The following DIP2C variants were observed in gnomAD, a reference collection of about 807,000 sequenced individuals.
The protein encoded by DIP2C is DIP2 acetate--CoA ligase C (putative), also known as disco-interacting protein 2 homolog C.
DIP2C carries 33 observed loss-of-function variants against 192.4 expected under a neutral mutation model. That is an observed-to-expected ratio of 0.17 (90% CI 0.13 to 0.23). The LOEUF is 0.23. DIP2C is among the 10% of genes least tolerant of loss of function. DIP2C has a pLI of 1.00. For synonymous variants in DIP2C, 979 were observed against 864.1 expected (o/e 1.13, Z -2.33); for missense variants, 1,537 against 2,110.1 (o/e 0.73, Z 5.32).
intron 31 of DIP2C, among the ~76,000 whole-genome samples, chr10:315,846 G>A (rs1178641333): frequency 6.6e-6 from 1 of 152,050 alleles, no homozygotes; most frequent in Non-Finnish European, 1.5e-5. Flanking sequence ...CTGTTCCACT[G>A]TATTTTCATG....
intron 4 of DIP2C, among the ~76,000 whole-genome samples, chr10:433,960 A>G (rs1034257073): frequency 1.3e-5 from 2 of 150,696 alleles, no homozygotes; most frequent in Admixed American, 6.6e-5. Flanking sequence ...CTTTCTTATC[A>G]TATCAGTTAC....
At chr10:562,558 G>A (rs1301404709) in intron 1 of DIP2C, among the ~76,000 whole-genome samples, 4 of 152,104 alleles carry the variant, frequency 2.6e-5, no homozygotes, top group South Asian at 2.1e-4. Flanking sequence ...ATATGCACAC[G>A]GATGGTCGTA....
intron 11 of DIP2C, 44 bp downstream of exon 11, chr10:390,696 C>A: frequency 6.3e-7 from 1 of 1,591,150 alleles, no homozygotes; most frequent in South Asian, 1.1e-5. Context: ...CGTCTTCTGA[C>A]AAAGGACGTG....
rs575384428 is a variant in DIP2C at position 339,899 on chromosome 10, T to C, written c.3584+1300A>G. Among the ~76,000 whole-genome samples the C allele has an allele frequency of 6.4e-4, 98 of 152,080 alleles. 2 individuals carry two copies. The Middle Eastern group carries it at 0.01, about 16-fold the overall frequency. The stretch of plus-strand genomic sequence containing the variant: ...ATTAAAAATATTTGTTCCAGAAGAG[T>C]GTTGACAGGAGAAAAAAATCTGACT... On this transcript the variant is annotated intron_variant, in intron 29 of 36. Transcript: ENST00000280886.
chr10:329,221 A>G (rs1957394790), intron 30 of DIP2C, among the ~76,000 whole-genome samples: 1 of 152,334 alleles, frequency 6.6e-6, no homozygotes, highest in South Asian at 2.1e-4. Context: ...AATATTTTAC[A>G]TTCTGGTTCG....
chr10:342,303 C>T (rs1031964268), intron 28 of DIP2C, among the ~76,000 whole-genome samples: 11 of 152,154 alleles, frequency 7.2e-5, no homozygotes, highest in Non-Finnish European at 1.6e-4. Flanking sequence ...GGGTTACAGG[C>T]GCCCGCCACC....
At chr10:405,495 C>G (rs1964737962) in intron 9 of DIP2C, among the ~76,000 whole-genome samples, 1 of 152,134 alleles carries the variant, frequency 6.6e-6, no homozygotes, top group South Asian at 2.1e-4. Flanking sequence ...AGCATCAAAA[C>G]TGAAAATTTT....
In DIP2C at chr10:387,804, T is replaced by C. The variant is rs576126175; in HGVS notation, c.1603A>G (p.Thr535Ala). 1.4e-5 allele frequency: 23 copies of C among 1,614,184 alleles called. No individual in the cohort carries two copies. The South Asian group carries it at 2.2e-4, about 15-fold the overall frequency. ...TTGAAATCCAGCACATTCACAATGG[T>C]TTCAGCTGCACAACAGAGGGAGTCA... The part of the protein sequence containing the change: ...TQACGYTEAE[T>A]IVNVLDFKKD... Residue 535 changes from threonine (T) to alanine (A), a missense_variant, in exon 14 of 37, where the codon ACC (threonine) becomes GCC (alanine). Around this residue, in one of 4 missense-constraint regions of DIP2C, gnomAD observed 677 missense variants for 989.9 expected, o/e 0.68. Transcript: ENST00000280886.
At chr10:314,262 G>A (rs74861047) in intron 31 of DIP2C, among the ~76,000 whole-genome samples, 1,688 of 152,288 alleles carry the variant, frequency 0.011, 35 homozygotes, top group African/African-American at 0.039. Context: ...AGCTAAATAT[G>A]ACAGGTCCCT....
At chr10:544,256 C>T (rs1848163145) in intron 1 of DIP2C, among the ~76,000 whole-genome samples, 1 of 152,198 alleles carries the variant, frequency 6.6e-6, no homozygotes, top group Admixed American at 6.5e-5. Context: ...ACATTCAAGG[C>T]TCATTGGAGC....
At position 357,876 on chromosome 10, in the gene DIP2C, G is replaced by A. The variant is rs1303275428; in HGVS notation, c.2856C>T (p.Ala952=). The A allele has an allele frequency of 1.2e-6, 2 of 1,612,632 alleles. No homozygotes were observed. Among genetic ancestry groups the A allele is most frequent in the Non-Finnish European group, 1.7e-6 (2 of 1,179,932 alleles). ...CGATCTGACCCAGGTCTCTGCCACT[G>A]GCCTGGGCGATTCTCTTCCCAGAGA... ...NLVSGKRIAQ[A]SGRDLGQIED... is the part of the protein sequence containing the mutation. The change falls in exon 23 of 37, where the codon GCC becomes GCT. Residue 952 remains alanine, a synonymous_variant. Transcript: ENST00000280886.
chr10:383,361 T>G (rs1438153640), intron 16 of DIP2C, among the ~76,000 whole-genome samples: 1 of 152,236 alleles, frequency 6.6e-6, no homozygotes, highest in Non-Finnish European at 1.5e-5. Flanking sequence ...ACGTTGCATG[T>G]TTCATAAATG....
intron 1 of DIP2C, among the ~76,000 whole-genome samples, chr10:533,913 T>TC (rs1847553850): frequency 6.6e-6 from 1 of 151,892 alleles, no homozygotes; most frequent in Non-Finnish European, 1.5e-5. Context: ...CAGGAAGCAT[T>TC]CTCTCCTGCA....
chr10:464,671 C>G (rs1045227770), intron 3 of DIP2C, among the ~76,000 whole-genome samples: 3 of 152,202 alleles, frequency 2.0e-5, no homozygotes, highest in African/African-American at 7.2e-5. Flanking sequence ...TATAAAGACA[C>G]ATACAAACGT....
At chr10:486,327 C>T (rs936751401) in intron 2 of DIP2C, 132 bp downstream of exon 2, 2 of 748,874 alleles carry the variant, frequency 2.7e-6, no homozygotes, top group Middle Eastern at 4.0e-4. Flanking sequence ...GAACTGAATG[C>T]CTGGAGGGTG....
intron 1 of DIP2C, among the ~76,000 whole-genome samples, chr10:658,318 A>C (rs1254271563): frequency 1.5e-4 from 17 of 111,462 alleles, no homozygotes; most frequent in South Asian, 3.2e-4. Context: ...GCTGGACCTG[A>C]TGCTGGACCT....
chr10:278,686 T>C (rs1455090822), intron 36 of DIP2C, among the ~76,000 whole-genome samples: 2 of 152,222 alleles, frequency 1.3e-5, no homozygotes, highest in African/African-American at 4.8e-5. Context: ...CACTCAGAAA[T>C]GTTTTATCTG....
In DIP2C at chr10:617,692, C is replaced by T. The variant is rs372651775; in HGVS notation, c.85+71802G>A. On this transcript the variant is annotated intron_variant, in intron 1 of 36. Coordinates refer to ENST00000280886, the MANE Select transcript of DIP2C (RefSeq NM_014974.3). ...CCACCCCTGCTTGGGGCGTCTTCCA[C>T]TTGCGGTTCCGAAGGAGGCTGAGAA... Among the ~76,000 whole-genome samples, 47 of 149,868 alleles carry T rather than the reference C, an allele frequency of 3.1e-4. 1 individual carries two copies. The highest frequency in any genetic ancestry group is 3.1e-3 in the Admixed American group (47 of 15,060).
intron 1 of DIP2C, among the ~76,000 whole-genome samples, chr10:601,164 A>G (rs1373029474): frequency 6.6e-6 from 1 of 152,172 alleles, no homozygotes; most frequent in African/African-American, 2.4e-5. Context: ...GCTGCACCCA[A>G]CTGTAGAGGT....
Sources: allele counts gnomAD v4.1 joint callset (sites outside exome capture counted in the v4.1 genomes callset), GRCh38; gene constraint gnomAD v4.1.1; regional missense constraint gnomAD v4.1.1; transcripts MANE v1.5; gene names NCBI Gene and HGNC (gene_info 2026-07-23, HGNC 2026-07-21).